The following GREM2 variants were observed in gnomAD, a reference collection of about 807,000 sequenced individuals.
The protein encoded by GREM2 is gremlin-2.
GREM2 carries 11 observed loss-of-function variants against 14.2 expected under a neutral mutation model. The observed-to-expected ratio is 0.78, with a 90% CI of 0.49 to 1.28. The LOEUF (loss-of-function observed/expected upper bound fraction) is 1.28. Among genes scored for constraint, GREM2 ranks in the 50% most tolerant of loss-of-function variants. The pLI is 0.00. For missense variants in GREM2, 210 were observed against 218.5 expected (o/e 0.96, Z 0.24); for synonymous variants, 98 against 97.6 (o/e 1.00, Z -0.02).
chr1:240,499,764 AC>A (rs920020300), intron 1 of GREM2, among the ~76,000 whole-genome samples: 6 of 152,152 alleles, frequency 3.9e-5, no homozygotes, highest in African/African-American at 1.4e-4. Context: ...GCCAAACCCA[AC>A]CTGAGATCTG....
At chr1:240,512,783 A>T (rs1230792190) in intron 1 of GREM2, among the ~76,000 whole-genome samples, 1 of 152,208 alleles carries the variant, frequency 6.6e-6, no homozygotes, top group Non-Finnish European at 1.5e-5. Context: ...AATTTGTTAT[A>T]CATTTAAGTT....
At chr1:240,586,376 A>T (rs1407276431) in intron 1 of GREM2, among the ~76,000 whole-genome samples, 1 of 152,130 alleles carries the variant, frequency 6.6e-6, no homozygotes, top group Non-Finnish European at 1.5e-5. Context: ...ATGGATGCTG[A>T]CTCCTTTCTC....
intron 1 of GREM2, among the ~76,000 whole-genome samples, chr1:240,563,092 T>C (rs954334931): frequency 6.6e-6 from 1 of 150,382 alleles, no homozygotes; most frequent in African/African-American, 2.5e-5. Flanking sequence ...AGTGTGTGTA[T>C]GCGTGTATGT....
chr1:240,574,141 C>T lies in GREM2; in HGVS notation c.-2+37743G>A, dbSNP rs558627012. On this transcript the variant is annotated intron_variant, in intron 1 of 1. Coordinates refer to ENST00000318160, the MANE Select transcript of GREM2 (RefSeq NM_022469.4). Reference sequence around the variant, plus strand: ...TTCACCATGTTGGCCAGGCTGGTCTCGAATTCCTGACCTTGTGATCTGCCC... The same window carrying T: ...TTCACCATGTTGGCCAGGCTGGTCTTGAATTCCTGACCTTGTGATCTGCCC... Among the ~76,000 whole-genome samples the T allele has an allele frequency of 5.3e-5, 8 of 152,074 alleles. No individual in the cohort carries two copies. The East Asian group carries it at 9.7e-4, about 18-fold the overall frequency.
intron 1 of GREM2, among the ~76,000 whole-genome samples, chr1:240,605,283 C>G (rs1680003043): frequency 2.0e-5 from 3 of 152,080 alleles, no homozygotes; most frequent in Admixed American, 2.0e-4. Flanking sequence ...TTCTTTATGG[C>G]ACCAAGGAAC....
intron 1 of GREM2, among the ~76,000 whole-genome samples, chr1:240,511,624 G>T (rs929252384): frequency 2.0e-5 from 3 of 152,102 alleles, no homozygotes; most frequent in African/African-American, 7.2e-5. Context: ...GTGGTGGTGG[G>T]CGCCTATAAT....
chr1:240,566,615 A>G (rs939784313), intron 1 of GREM2, among the ~76,000 whole-genome samples: 2 of 152,196 alleles, frequency 1.3e-5, no homozygotes, highest in Non-Finnish European at 2.9e-5. Context: ...GAATCTGATC[A>G]AAGAATGTAT....
chr1:240,557,200 T>C (rs1002569710), intron 1 of GREM2, among the ~76,000 whole-genome samples: 2 of 149,942 alleles, frequency 1.3e-5, no homozygotes, highest in African/African-American at 2.4e-5. Flanking sequence ...AATATAAAAA[T>C]TAAGATAAAA....
chr1:240,556,814 A>C (rs1678958910), intron 1 of GREM2, among the ~76,000 whole-genome samples: 1 of 152,226 alleles, frequency 6.6e-6, no homozygotes, highest in South Asian at 2.1e-4. Flanking sequence ...AATGCAAAAC[A>C]GGAGAAAAAT....
chr1:240,604,306 CGTATGTGTGTGTGTGT>C (rs1558180906), intron 1 of GREM2, among the ~76,000 whole-genome samples: 1 of 117,312 alleles, frequency 8.5e-6, no homozygotes, highest in Non-Finnish European at 1.7e-5. Flanking sequence ...TATAACTATA[CGTATGTGTGTGTGTGT>C]GTGTGTGTGT....
In GREM2 at chr1:240,493,449, C is replaced by T; in HGVS notation, c.27G>A (p.Leu9=). 6.2e-7 allele frequency: 1 copy of T among 1,609,762 alleles called. No individual in the cohort carries two copies. The highest frequency in any genetic ancestry group is 8.5e-7 in the Non-Finnish European group (1 of 1,177,840). MFWKLSLS[L]FLVAVLVKVA... is the part of the protein sequence containing the mutation. ...CCTTCACCAGCACCGCCACCAGGAACAAGGACAGGGAAAGCTTCCAGAACA... is the reference window on the plus strand; with the variant it reads ...CCTTCACCAGCACCGCCACCAGGAATAAGGACAGGGAAAGCTTCCAGAACA... Residue 9 remains leucine, a synonymous_variant, in exon 2 of 2, where the codon TTG becomes TTA. Coordinates refer to ENST00000318160, the MANE Select transcript of GREM2 (RefSeq NM_022469.4).
chr1:240,503,523 A>G (rs970432239), intron 1 of GREM2, among the ~76,000 whole-genome samples: 3 of 152,178 alleles, frequency 2.0e-5, no homozygotes, highest in Admixed American at 6.5e-5. Flanking sequence ...CTTACAAACA[A>G]GTTCAAAGTC....
At chr1:240,503,844 A>G (rs1465850122) in intron 1 of GREM2, among the ~76,000 whole-genome samples, 1 of 152,118 alleles carries the variant, frequency 6.6e-6, no homozygotes, top group Non-Finnish European at 1.5e-5. Flanking sequence ...TGGTGTAGCT[A>G]TTGTCTGCAC....
intron 1 of GREM2, among the ~76,000 whole-genome samples, chr1:240,587,416 G>A (rs1345373744): frequency 6.6e-6 from 1 of 151,856 alleles, no homozygotes; most frequent in African/African-American, 2.4e-5. Context: ...CACCCTCGCA[G>A]GTTCAAGTGG....
At chr1:240,544,597 C>G (rs1295153194) in intron 1 of GREM2, among the ~76,000 whole-genome samples, 1 of 152,198 alleles carries the variant, frequency 6.6e-6, no homozygotes, top group African/African-American at 2.4e-5. Flanking sequence ...TTATATCAAT[C>G]AAGGCTATGT....
chr1:240,603,395 T>C (rs187642711), intron 1 of GREM2, among the ~76,000 whole-genome samples: 171 of 152,288 alleles, frequency 1.1e-3, no homozygotes, highest in African/African-American at 3.8e-3. Flanking sequence ...CTTCTCTTTC[T>C]CTTGAGCCTA....
intron 1 of GREM2, among the ~76,000 whole-genome samples, chr1:240,503,636 G>A (rs1232476266): frequency 1.3e-5 from 2 of 152,218 alleles, no homozygotes; most frequent in East Asian, 3.9e-4. Context: ...ACAAAACTAT[G>A]TGTTCTATCT....
intron 1 of GREM2, among the ~76,000 whole-genome samples, chr1:240,563,206 T>G (rs188783429): frequency 9.3e-5 from 14 of 150,316 alleles, no homozygotes; most frequent in African/African-American, 3.5e-4. Flanking sequence ...TGTGTGTAAG[T>G]GAGTGTGTGT....
intron 1 of GREM2, among the ~76,000 whole-genome samples, chr1:240,513,671 G>A (rs896220124): frequency 9.9e-5 from 15 of 151,958 alleles, no homozygotes; most frequent in African/African-American, 7.2e-5. Flanking sequence ...ATGGGGATAC[G>A]GCAGATGGGG....
Sources: allele counts gnomAD v4.1 joint callset (sites outside exome capture counted in the v4.1 genomes callset), GRCh38; gene constraint gnomAD v4.1.1; transcripts MANE v1.5; gene names NCBI Gene and HGNC (gene_info 2026-07-23, HGNC 2026-07-21).